ZCCHC14: variants seen among roughly 807,000 people sequenced by gnomAD.
The protein encoded by ZCCHC14 is zinc finger CCHC-type containing 14, also known as zinc finger CCHC domain-containing protein 14.
A neutral mutation model predicts 85.0 loss-of-function variants in ZCCHC14; 16 were observed. The observed-to-expected ratio is 0.19, with a 90% CI of 0.13 to 0.29. ZCCHC14 has a LOEUF of 0.29. Ranked by LOEUF, ZCCHC14 falls within the 10% of genes least tolerant of loss-of-function variation. The pLI is 1.00. For synonymous variants in ZCCHC14, 775 were observed against 630.7 expected (o/e 1.23, Z -3.43); for missense variants, 1,303 against 1,443.5 (o/e 0.90, Z 1.58).
At position 87,408,030 on chromosome 16, in the gene ZCCHC14, GC is replaced by G. The variant is rs1908279397; in HGVS notation, c.*2249del. 6.5e-6 allele frequency: 1 copy of G among 152,678 alleles called. No homozygotes were observed. The highest frequency in any genetic ancestry group is 2.4e-5 in the African/African-American group (1 of 41,458). 9.5% of individuals were successfully genotyped at this position (152,678 alleles called of 1,614,324 possible). On this transcript the variant is annotated 3_prime_UTR_variant, in exon 13 of 13. Transcript: ENST00000671377. ...CAAGACGACTGGCAGCTCCGCAGAG[GC>G]CTTCGCTGCTGGGAACACAGCCGTG...
At chr16:87,462,310 GA>G (rs1825900161) in intron 1 of ZCCHC14, among the ~76,000 whole-genome samples, 1 of 152,130 alleles carries the variant, frequency 6.6e-6, no homozygotes, top group African/African-American at 2.4e-5. Flanking sequence ...ACCCAGAAAT[GA>G]ACTCCTTTCC....
Position 87,412,861 on chromosome 16 carries a change from G to A in ZCCHC14, c.1860C>T (p.Ala620=). Residue 620 remains alanine, a synonymous_variant, in exon 12 of 13, where the codon GCC becomes GCT. Transcript: ENST00000671377. Reference sequence around the variant, plus strand: ...GGTGGTGGCCTGATGGATTGGAGCTGGCCTCATTCTGCACAGGGAGAACCT... The same window carrying A: ...GGTGGTGGCCTGATGGATTGGAGCTAGCCTCATTCTGCACAGGGAGAACCT... ...TAQVLPVQNE[A]SSNPSGHHPL... is the part of the protein sequence containing the mutation. The A allele has an allele frequency of 6.2e-7, 1 of 1,608,110 alleles. No homozygotes were observed. The highest frequency in any genetic ancestry group is 2.2e-5 in the East Asian group (1 of 44,818).
chr16:87,420,766 C>A lies in ZCCHC14; in HGVS notation c.841-50G>T. The stretch of plus-strand genomic sequence containing the variant: ...AGGTGTGTCCAGACCCATCCAACAC[C>A]AGCAGAATTCTGCTACTGCAGGAAA... On this transcript the variant is annotated intron_variant, in intron 4 of 12. Transcript: ENST00000671377. The surrounding 1 kb of genome is among the most constrained non-coding windows in gnomAD (Gnocchi z 5.0). 1 of 1,484,910 alleles carries A rather than the reference C, an allele frequency of 6.7e-7. No individual in the cohort carries two copies. The allele number at this position is 1,484,910 out of a possible 1,614,324, so 92.0% of individuals were successfully genotyped here. A position where few individuals can be genotyped will look rare whatever the true frequency, so the allele number is the denominator to read the frequency against.
chr16:87,456,882 A>G (rs1910994835), intron 2 of ZCCHC14, among the ~76,000 whole-genome samples: 1 of 152,250 alleles, frequency 6.6e-6, no homozygotes, highest in African/African-American at 2.4e-5. Flanking sequence ...AAGTTTAATG[A>G]AAGTATACCT....
intron 8 of ZCCHC14, among the ~76,000 whole-genome samples, chr16:87,415,918 TTTTGTTTG>T (rs751041717): frequency 6.6e-6 from 1 of 152,008 alleles, no homozygotes; most frequent in Non-Finnish European, 1.5e-5. Flanking sequence ...CTTATTTTGT[TTTTGTTTG>T]TTTGTTTTTT....
intron 1 of ZCCHC14, among the ~76,000 whole-genome samples, chr16:87,480,442 G>T (rs1352776595): frequency 6.6e-6 from 1 of 152,120 alleles, no homozygotes; most frequent in Non-Finnish European, 1.5e-5. Context: ...GTAGAATACA[G>T]ATGTTAAAAT....
At chr16:87,458,493 G>T (rs1484271692) in intron 2 of ZCCHC14, among the ~76,000 whole-genome samples, 1 of 152,186 alleles carries the variant, frequency 6.6e-6, no homozygotes, top group African/African-American at 2.4e-5. Flanking sequence ...AGGAGCCCTC[G>T]CAGGGCTGCA....
At chr16:87,441,081 G>A (rs1327219894) in intron 2 of ZCCHC14, among the ~76,000 whole-genome samples, 1 of 149,908 alleles carries the variant, frequency 6.7e-6, no homozygotes, top group Non-Finnish European at 1.5e-5. Flanking sequence ...TCGGCTCACT[G>A]CAAGCTCCGC....
At chr16:87,464,609 A>C (rs984123799) in intron 1 of ZCCHC14, among the ~76,000 whole-genome samples, 3 of 152,240 alleles carry the variant, frequency 2.0e-5, no homozygotes, top group African/African-American at 7.2e-5. Flanking sequence ...ACATCAAGAC[A>C]GGAAGGAAAA....
intron 3 of ZCCHC14, among the ~76,000 whole-genome samples, chr16:87,428,888 G>C (rs1012289148): frequency 2.8e-5 from 2 of 70,606 alleles, no homozygotes; most frequent in African/African-American, 1.2e-4. Context: ...AGACCCCTCA[G>C]CATTACTGCC....
At position 87,411,517 on chromosome 16, in the gene ZCCHC14, T is replaced by G; in HGVS notation, c.3204A>C (p.Pro1068=). 1 of 1,613,414 alleles carries G rather than the reference T, an allele frequency of 6.2e-7. No individual in the cohort carries two copies. The stretch of plus-strand genomic sequence containing the variant: ...GGCGCGGCCATGGCGCGCGCTTACC[T>G]GGCCGGTTGAAGTCCATGGACGGCT... ...CKQPSMDFNR[P]GTFRLKYAPP... The change falls in exon 12 of 13, where the codon CCA becomes CCC. Residue 1068 remains proline, a splice_region_variant and synonymous_variant. Transcript: ENST00000671377.
intron 2 of ZCCHC14, among the ~76,000 whole-genome samples, chr16:87,438,867 T>G (rs892020268): frequency 6.6e-6 from 1 of 152,214 alleles, no homozygotes; most frequent in Middle Eastern, 3.2e-3. Flanking sequence ...AACTGATTTA[T>G]CTCCATGGAG....
At chr16:87,430,274 C>A (rs929188212) in intron 3 of ZCCHC14, among the ~76,000 whole-genome samples, 1 of 152,100 alleles carries the variant, frequency 6.6e-6, no homozygotes, top group Non-Finnish European at 1.5e-5. Flanking sequence ...GACGTCTGTT[C>A]CAGGGTGTCT....
chr16:87,436,396 C>T (rs777145503), intron 2 of ZCCHC14, among the ~76,000 whole-genome samples: 15 of 152,382 alleles, frequency 9.8e-5, no homozygotes, highest in Middle Eastern at 3.4e-3. Flanking sequence ...ACCCCATGTG[C>T]TCCGCGGGCT....
chr16:87,449,944 C>T (rs1910615676), intron 2 of ZCCHC14, among the ~76,000 whole-genome samples: 1 of 152,152 alleles, frequency 6.6e-6, no homozygotes. Context: ...ACTGGGGAGG[C>T]TGAGGCAGGA....
At chr16:87,446,685 C>A (rs565711142) in intron 2 of ZCCHC14, among the ~76,000 whole-genome samples, 1 of 152,066 alleles carries the variant, frequency 6.6e-6, no homozygotes, top group South Asian at 2.1e-4. Context: ...CTGAGGTCAG[C>A]AAACTGACTT....
chr16:87,491,682 G>A lies in ZCCHC14; in HGVS notation c.557C>T (p.Pro186Leu), dbSNP rs1354956516. ...PGPGGALPTC[P>L]ACHKITPRTE... ...GCGGGCACGCACCTTGTGGCAGGCT[G>A]GGCAAGTGGGCAGCGCGCCGCCCGG... Residue 186 changes from proline to leucine, a missense_variant, in exon 1 of 13, where the codon CCA (proline) becomes CTA (leucine). Physicochemically the swap from Pro to Leu is moderately conservative, Grantham distance 98. Around this residue, in one of 7 missense-constraint regions of ZCCHC14, gnomAD observed 389 missense variants for 397.8 expected, o/e 0.98. Coordinates refer to ENST00000671377, the MANE Select transcript of ZCCHC14 (RefSeq NM_015144.3). The surrounding 1 kb of genome is among the most constrained non-coding windows in gnomAD (Gnocchi z 5.9). 2.1e-6 allele frequency: 3 copies of A among 1,418,372 alleles called. No homozygotes were observed. Among genetic ancestry groups the A allele is most frequent in the Non-Finnish European group, 2.7e-6 (3 of 1,092,566 alleles). The allele number at this position is 1,418,372 out of a possible 1,614,324, so 87.9% of individuals were successfully genotyped here. A position where few individuals can be genotyped will look rare whatever the true frequency, so the allele number is the denominator to read the frequency against.
intron 1 of ZCCHC14, among the ~76,000 whole-genome samples, chr16:87,465,931 G>A (rs1911498068): frequency 6.6e-6 from 1 of 152,114 alleles, no homozygotes; most frequent in Non-Finnish European, 1.5e-5. Context: ...TGGGATTACA[G>A]GCGTGAGCCA....
At chr16:87,460,155 T>C in intron 1 of ZCCHC14, 24 bp from the exon 2 acceptor site, 1 of 1,611,546 alleles carries the variant, frequency 6.2e-7, no homozygotes, top group Non-Finnish European at 8.5e-7. Flanking sequence ...AACAGAATCA[T>C]CTTATTTTCT....
Sources: allele counts gnomAD v4.1 joint callset (sites outside exome capture counted in the v4.1 genomes callset), GRCh38; gene constraint gnomAD v4.1.1; regional missense constraint gnomAD v4.1.1; non-coding constraint Gnocchi (gnomAD v3.1); transcripts MANE v1.5; gene names NCBI Gene and HGNC (gene_info 2026-07-23, HGNC 2026-07-21).